RPTOR: variants seen among roughly 807,000 people sequenced by gnomAD.
RPTOR encodes the protein regulatory-associated protein of mTOR.
In RPTOR, 21 loss-of-function variants were observed where a neutral mutation model predicts 169.9. The observed-to-expected ratio is 0.12, with a 90% CI of 0.09 to 0.18. RPTOR has a LOEUF of 0.18. RPTOR is among the 10% of genes least tolerant of loss of function. The pLI, the probability that RPTOR is intolerant of heterozygous loss-of-function variation, is 1.00. For synonymous variants in RPTOR, 732 were observed against 753.2 expected (o/e 0.97, Z 0.46); for missense variants, 1,133 against 1,855.9 (o/e 0.61, Z 7.16).
chr17:80,684,547 C>A (rs1235143090), intron 3 of RPTOR, among the ~76,000 whole-genome samples: 1 of 151,928 alleles, frequency 6.6e-6, no homozygotes, highest in Non-Finnish European at 1.5e-5. Flanking sequence ...CGGGTTCACG[C>A]CATTCTCCTG....
At position 80,743,892 on chromosome 17, in the gene RPTOR, G is replaced by T. The variant is rs1460215385; in HGVS notation, c.655-10118G>T. On this transcript the variant is annotated intron_variant, in intron 5 of 33. Coordinates refer to ENST00000306801, the MANE Select transcript of RPTOR (RefSeq NM_020761.3). ...TAGCACAGCCCTGGCTACTAGCACT[G>T]TCCTGGTTACGAGCACAGCCCTGGT... is the stretch of plus-strand genomic sequence containing the variant. Among the ~76,000 whole-genome samples, 5 of 72,476 alleles carry T rather than the reference G, an allele frequency of 6.9e-5. No homozygotes were observed. The East Asian group carries it at 1.4e-3, about 20-fold the overall frequency. The allele number at this position is 72,476 out of a possible 152,430, so 47.5% of individuals were successfully genotyped here. A position where few individuals can be genotyped will look rare whatever the true frequency, so the allele number is the denominator to read the frequency against.
intron 9 of RPTOR, among the ~76,000 whole-genome samples, chr17:80,824,103 C>G (rs2067413215): frequency 6.6e-6 from 1 of 152,174 alleles, no homozygotes; most frequent in Non-Finnish European, 1.5e-5. Context: ...AAGAAGGAAT[C>G]TAAACTCACT....
intron 7 of RPTOR, among the ~76,000 whole-genome samples, chr17:80,821,207 C>T (rs573884051): frequency 7.2e-5 from 11 of 152,330 alleles, no homozygotes; most frequent in African/African-American, 2.2e-4. Flanking sequence ...TCCCTTGAGC[C>T]TAGGAGTTCA....
chr17:80,956,842 T>C (rs2069256853), intron 28 of RPTOR, among the ~76,000 whole-genome samples: 1 of 151,992 alleles, frequency 6.6e-6, no homozygotes. Context: ...TAGACAGATG[T>C]TCCTGGAAGG....
chr17:80,837,839 C>T (rs1259334423), intron 9 of RPTOR, 83 bp from the exon 10 acceptor site: 18 of 1,314,460 alleles, frequency 1.4e-5, no homozygotes, highest in Non-Finnish European at 1.8e-5. Context: ...CAGGCTCAGC[C>T]GGCTCCTCCT....
intron 7 of RPTOR, among the ~76,000 whole-genome samples, chr17:80,821,757 G>A (rs1162271656): frequency 6.6e-6 from 1 of 152,184 alleles, no homozygotes; most frequent in Non-Finnish European, 1.5e-5. Flanking sequence ...GAATACACGG[G>A]AGCAAAGTAG....
chr17:80,854,169 T>A (rs1485249868), intron 11 of RPTOR, among the ~76,000 whole-genome samples: 1 of 152,190 alleles, frequency 6.6e-6, no homozygotes, highest in Non-Finnish European at 1.5e-5. Context: ...CAAAATGTAC[T>A]CCCCTTGAAA....
chr17:80,842,017 C>G (rs909988304), intron 10 of RPTOR, among the ~76,000 whole-genome samples: 4 of 151,892 alleles, frequency 2.6e-5, no homozygotes, highest in African/African-American at 9.7e-5. Flanking sequence ...CTCACTCTCA[C>G]CACACGGCAG....
chr17:80,687,977 G>C (rs1175457794), intron 3 of RPTOR, among the ~76,000 whole-genome samples: 7 of 152,140 alleles, frequency 4.6e-5, no homozygotes, highest in Admixed American at 1.3e-4. Context: ...ACTGCCTGAA[G>C]CTTCACCTCA....
rs1305001067 is a variant in RPTOR, at chr17:80,596,176, AAAATT to A, written c.163-29514_163-29510del. Among the ~76,000 whole-genome samples, 226 of 145,074 alleles carry A rather than the reference AAAATT, an allele frequency of 1.6e-3. 2 individuals carry two copies. Among genetic ancestry groups the A allele is most frequent in the Middle Eastern group, 7.1e-3 (2 of 282 alleles). On this transcript the variant is annotated intron_variant, in intron 1 of 33. Transcript: ENST00000306801. The stretch of plus-strand genomic sequence containing the variant: ...ATTAATATTTACATTTTATTTTAAG[AAAATT>A]GGTTTTTTGCTGCCTTGATCTCATG...
At chr17:80,591,162 CT>C (rs2065102354) in intron 1 of RPTOR, among the ~76,000 whole-genome samples, 11 of 10,084 alleles carry the variant, frequency 1.1e-3, no homozygotes, top group Non-Finnish European at 1.7e-3. Flanking sequence ...CTCCCCTCCC[CT>C]CCCTTCCCTT....
intron 23 of RPTOR, chr17:80,924,181 T>C (rs2068784073): frequency 6.5e-6 from 1 of 154,684 alleles, no homozygotes; most frequent in Admixed American, 6.5e-5. Context: ...AAGATATTTC[T>C]GGAGAGAGGA....
intron 31 of RPTOR, 83 bp downstream of exon 31, chr17:80,961,563 A>G: frequency 7.1e-7 from 1 of 1,416,214 alleles, no homozygotes; most frequent in South Asian, 1.3e-5. Flanking sequence ...TTGGTATTTA[A>G]ACAGCTGGAA....
intron 7 of RPTOR, among the ~76,000 whole-genome samples, chr17:80,807,317 C>G (rs1458868793): frequency 6.6e-6 from 1 of 150,770 alleles, no homozygotes; most frequent in Admixed American, 6.6e-5. Context: ...TTTTTTTTTC[C>G]TGTTGCTTTT....
chr17:80,866,215 C>T (rs186336693), intron 13 of RPTOR, among the ~76,000 whole-genome samples: 2 of 149,426 alleles, frequency 1.3e-5, no homozygotes. Context: ...ATTATAAATA[C>T]TTGCATTAAA....
At chr17:80,776,392 C>T (rs1429751519) in intron 6 of RPTOR, among the ~76,000 whole-genome samples, 5 of 139,382 alleles carry the variant, frequency 3.6e-5, no homozygotes, top group African/African-American at 1.4e-4. Context: ...GGCGTGATCT[C>T]GGCTCACTGC....
intron 1 of RPTOR, among the ~76,000 whole-genome samples, chr17:80,589,264 C>T (rs1042797949): frequency 6.6e-5 from 10 of 152,124 alleles, no homozygotes; most frequent in African/African-American, 2.2e-4. Flanking sequence ...GCCGTCTTTG[C>T]GGGAACTAAG....
intron 2 of RPTOR, among the ~76,000 whole-genome samples, chr17:80,629,228 C>T (rs112772257): frequency 1.2e-3 from 163 of 140,818 alleles, no homozygotes; most frequent in African/African-American, 3.9e-3. Context: ...ACAGCTCTTC[C>T]ATGTGTCTCT....
Position 80,743,755 on chromosome 17 carries a change from C to T in RPTOR, c.655-10255C>T, listed in dbSNP as rs1447683673. Reference sequence around the variant, plus strand: ...GCCCTGGCTACTAGCAGAGCCCTGGCTACTAGCACTCTCCTGGTTACTAGC... The same window carrying T: ...GCCCTGGCTACTAGCAGAGCCCTGGTTACTAGCACTCTCCTGGTTACTAGC... On this transcript the variant is annotated intron_variant, in intron 5 of 33. Transcript: ENST00000306801. Among the ~76,000 whole-genome samples the T allele has an allele frequency of 2.0e-3, 251 of 125,054 alleles. 2 individuals carry two copies. Among genetic ancestry groups the T allele is most frequent in the African/African-American group, 4.8e-3 (124 of 26,014 alleles). 82.0% of individuals were successfully genotyped at this position (125,054 alleles called of 152,430 possible).
Sources: allele counts gnomAD v4.1 joint callset (sites outside exome capture counted in the v4.1 genomes callset), GRCh38; gene constraint gnomAD v4.1.1; transcripts MANE v1.5; gene names NCBI Gene and HGNC (gene_info 2026-07-23, HGNC 2026-07-21).